CCDC68: variants seen among roughly 807,000 people sequenced by gnomAD.
CCDC68 encodes the protein coiled-coil domain containing 68.
Under a neutral mutation model 47.1 loss-of-function variants are expected in CCDC68, and 45 were observed. The ratio of observed to expected loss-of-function variants is 0.96; its 90% CI spans 0.75 to 1.23. The LOEUF (loss-of-function observed/expected upper bound fraction) is 1.23, where lower values mean the gene tolerates loss of function less well. Among genes scored for constraint, CCDC68 ranks in the 50% most tolerant of loss-of-function variants. The pLI is 0.00. For missense variants in CCDC68, 353 were observed against 373.6 expected, an observed-to-expected ratio of 0.94 and a Z score of 0.45; for synonymous variants, 131 against 129.5, an observed-to-expected ratio of 1.01 and a Z score of -0.08.
At chr18:54,953,583 T>C (rs1226538509) in intron 1 of CCDC68, among the ~76,000 whole-genome samples, 1 of 151,576 alleles carries the variant, frequency 6.6e-6, no homozygotes, top group African/African-American at 2.4e-5. Flanking sequence ...TAGAGAGCAA[T>C]GGAATCAGGG....
At chr18:54,954,561 C>T (rs1252453167) in intron 1 of CCDC68, 2 of 152,166 alleles carry the variant, frequency 1.3e-5, no homozygotes, top group African/African-American at 4.8e-5. Flanking sequence ...ATAGCAGGTG[C>T]TTACAGCTCA....
In CCDC68 at chr18:54,940,039, GTTC is replaced by G. The variant is rs528755125; in HGVS notation, c.204+955_204+957del. Among the ~76,000 whole-genome samples the G allele has an allele frequency of 2.6e-5, 4 of 152,166 alleles. No individual in the cohort carries two copies. In the South Asian group the frequency reaches 8.3e-4, roughly 32 times the overall value. ...AGCCTCATCTCACCTTCCTGGGATG[GTTC>G]TTCTTCCTGATATCTAAACATTGGG... On this transcript the variant is annotated intron_variant, in intron 4 of 11. Coordinates refer to ENST00000591504, the MANE Select transcript of CCDC68 (RefSeq NM_025214.3).
chr18:54,949,017 G>C (rs923703070), intron 1 of CCDC68, among the ~76,000 whole-genome samples: 4 of 152,106 alleles, frequency 2.6e-5, no homozygotes, highest in Admixed American at 6.5e-5. Context: ...TTTGAGACAA[G>C]GTCTCTCACT....
intron 3 of CCDC68, among the ~76,000 whole-genome samples, chr18:54,941,783 T>C (rs1209888308): frequency 6.6e-6 from 1 of 152,128 alleles, no homozygotes; most frequent in Admixed American, 6.5e-5. Flanking sequence ...CTCTACAACA[T>C]TATTTTATTT....
intron 1 of CCDC68, among the ~76,000 whole-genome samples, chr18:54,954,991 TA>T (rs11439839): frequency 3.3e-5 from 5 of 151,828 alleles, no homozygotes; most frequent in African/African-American, 7.2e-5. Flanking sequence ...TTGTAGATGT[TA>T]AAAAAAATAG....
Position 54,915,599 on chromosome 18 carries a change from C to G in CCDC68, c.873+2314G>C, listed in dbSNP as rs145051953. 4.3e-3 allele frequency among the ~76,000 whole-genome samples: 647 copies of G among 152,220 alleles called. 2 individuals are homozygous for G. The highest frequency in any genetic ancestry group is 0.015 in the African/African-American group (625 of 41,522). Reference sequence around the variant, plus strand: ...CTATTTGCTTATCCATATGTCCCAACTTATATGGAATGAATGAATGTTAGT... The same window carrying G: ...CTATTTGCTTATCCATATGTCCCAAGTTATATGGAATGAATGAATGTTAGT... On this transcript the variant is annotated intron_variant, in intron 10 of 11. Transcript: ENST00000591504.
chr18:54,914,017 G>C (rs953207803), intron 10 of CCDC68, among the ~76,000 whole-genome samples: 1 of 152,086 alleles, frequency 6.6e-6, no homozygotes, highest in Non-Finnish European at 1.5e-5. Flanking sequence ...CTGTGTACTT[G>C]CTTGTTTATT....
At chr18:54,958,678 A>G (rs77504620) in intron 1 of CCDC68, among the ~76,000 whole-genome samples, 2,875 of 152,244 alleles carry the variant, frequency 0.019, 46 homozygotes, top group Middle Eastern at 0.065. Context: ...TTATCATCCA[A>G]TCTAAAAACT....
intron 8 of CCDC68, among the ~76,000 whole-genome samples, chr18:54,920,944 T>G (rs1370832392): frequency 6.6e-6 from 1 of 152,210 alleles, no homozygotes; most frequent in Non-Finnish European, 1.5e-5. Flanking sequence ...AGAAACAACC[T>G]AGGTGCCTAT....
At chr18:54,911,844 G>A (rs1298390747) in intron 10 of CCDC68, among the ~76,000 whole-genome samples, 1 of 152,152 alleles carries the variant, frequency 6.6e-6, no homozygotes, top group East Asian at 1.9e-4. Flanking sequence ...CAAAAGCATA[G>A]GAGTTATTAT....
chr18:54,929,387 A>T (rs2044204503), intron 7 of CCDC68, among the ~76,000 whole-genome samples: 1 of 152,228 alleles, frequency 6.6e-6, no homozygotes, highest in South Asian at 2.1e-4. Flanking sequence ...ACTGCTTTCC[A>T]ATTAGGATAC....
intron 10 of CCDC68, among the ~76,000 whole-genome samples, chr18:54,909,003 C>T (rs1038299506): frequency 6.6e-6 from 1 of 152,224 alleles, no homozygotes; most frequent in Non-Finnish European, 1.5e-5. Flanking sequence ...AGCAACCGCA[C>T]TCAGCCTCAA....
chr18:54,940,997 CT>C lies in CCDC68; in HGVS notation c.203del (p.Lys68SerfsTer25). ...CTAATCTTCTGCAGGAAATTATTAC[CT>C]TTGCATCTAGTTTGTGATTTGTACT... ...HDSTNHKLDAKHCGNLQQGSD... is the reference protein window; with the variant it reads ...HDSTNHKLDAXHCGNLQQGSD... On this transcript the variant is annotated frameshift_variant and splice_region_variant, in exon 4 of 12. Transcript: ENST00000591504. LOFTEE classifies it high-confidence loss of function. The C allele has an allele frequency of 6.3e-7, 1 of 1,597,352 alleles. No homozygotes were observed. The highest frequency in any genetic ancestry group is 8.6e-7 in the Non-Finnish European group (1 of 1,166,214).
chr18:54,919,471 C>A, intron 8 of CCDC68, 95 bp from the exon 9 acceptor site: 1 of 988,102 alleles, frequency 1.0e-6, no homozygotes, highest in Non-Finnish European at 1.6e-6. Context: ...CACTCTACTG[C>A]TACTGGGGAT....
intron 1 of CCDC68, among the ~76,000 whole-genome samples, chr18:54,957,627 A>ACACACTCTCT (rs375675674): frequency 7.0e-6 from 1 of 143,754 alleles, no homozygotes; most frequent in African/African-American, 2.6e-5. Flanking sequence ...ACACACACAC[A>ACACACTCTCT]CTCTCTCTCT....
At chr18:54,912,629 T>C (rs1914431900) in intron 10 of CCDC68, among the ~76,000 whole-genome samples, 1 of 152,150 alleles carries the variant, frequency 6.6e-6, no homozygotes, top group South Asian at 2.1e-4. Context: ...TTCACAAACA[T>C]GTATACACAT....
intron 8 of CCDC68, among the ~76,000 whole-genome samples, chr18:54,928,156 A>C (rs2145484006): frequency 6.6e-6 from 1 of 152,306 alleles, no homozygotes; most frequent in South Asian, 2.1e-4. Context: ...AATCTCATAA[A>C]ATGTCTTATG....
chr18:54,938,152 T>C, intron 4 of CCDC68, 55 bp from the exon 5 acceptor site: 1 of 1,544,870 alleles, frequency 6.5e-7, no homozygotes, highest in East Asian at 2.3e-5. Context: ...CTACAAACTT[T>C]GACAACAATA....
chr18:54,907,825 T>G lies in CCDC68; in HGVS notation c.911A>C (p.Glu304Ala), dbSNP rs750035338. The change falls in exon 11 of 12, where the codon GAA (glutamate) becomes GCA (alanine). Residue 304 changes from glutamate (E) to alanine (A), a missense_variant. Coordinates refer to ENST00000591504, the MANE Select transcript of CCDC68 (RefSeq NM_025214.3). The stretch of plus-strand genomic sequence containing the variant: ...CTTAGATACCTTTGTCCTAGGAGTT[T>G]CAGATGAAAGTGCTACCTGGGTTTT... Reference protein sequence around the residue: ...ELKTQVALSSETPRTKVSKAV... With the variant: ...ELKTQVALSSATPRTKVSKAV... 1 of 1,609,534 alleles carries G rather than the reference T, an allele frequency of 6.2e-7. No homozygotes were observed. Among genetic ancestry groups the G allele is most frequent in the African/African-American group, 1.3e-5 (1 of 74,956 alleles).
Sources: allele counts gnomAD v4.1 joint callset (sites outside exome capture counted in the v4.1 genomes callset), GRCh38; gene constraint gnomAD v4.1.1; transcripts MANE v1.5; gene names NCBI Gene and HGNC (gene_info 2026-07-23, HGNC 2026-07-21).